SPOP: variants seen among roughly 807,000 people sequenced by gnomAD.
The protein encoded by SPOP is speckle-type POZ protein.
In SPOP, 11 loss-of-function variants were observed where a neutral mutation model predicts 45.6. The ratio of observed to expected loss-of-function variants is 0.24; its 90% CI spans 0.15 to 0.40. The LOEUF (loss-of-function observed/expected upper bound fraction) is 0.40, where lower values mean the gene tolerates loss of function less well. SPOP is among the 10% of genes least tolerant of loss of function. The pLI is 1.00. For synonymous variants in SPOP, 166 were observed against 166.3 expected, an observed-to-expected ratio of 1.00 and a Z score of 0.01; for missense variants, 152 against 465.6, an observed-to-expected ratio of 0.33 and a Z score of 6.20.
chr17:49,677,814 A>G (rs2073223247), intron 1 of SPOP, 119 bp downstream of exon 1: 1 of 328,256 alleles, frequency 3.0e-6, no homozygotes, highest in Non-Finnish European at 5.0e-6. Flanking sequence ...GACTGAGGAG[A>G]GTATATGTGT....
intron 1 of SPOP, among the ~76,000 whole-genome samples, chr17:49,624,815 C>T (rs1407098439): frequency 7.0e-6 from 1 of 143,336 alleles, no homozygotes; most frequent in Non-Finnish European, 1.5e-5. Context: ...AATTTTTAAG[C>T]ACCATAAACA....
chr17:49,605,434 A>C (rs2071819926), intron 8 of SPOP, among the ~76,000 whole-genome samples: 1 of 152,208 alleles, frequency 6.6e-6, no homozygotes, highest in African/African-American at 2.4e-5. Flanking sequence ...TCACACCCAT[A>C]ATTTCAGCAC....
intron 1 of SPOP, among the ~76,000 whole-genome samples, chr17:49,672,161 T>G (rs2073144515): frequency 6.6e-6 from 1 of 152,092 alleles, no homozygotes; most frequent in African/African-American, 2.4e-5. Flanking sequence ...TATAATTTAT[T>G]CCTAACCGAT....
intron 1 of SPOP, among the ~76,000 whole-genome samples, chr17:49,677,678 G>C (rs554632397): frequency 6.6e-6 from 1 of 152,158 alleles, no homozygotes; most frequent in Non-Finnish European, 1.5e-5. Flanking sequence ...GGATGGGGCT[G>C]GGAAATGATG....
At position 49,622,856 on chromosome 17, in the gene SPOP, G is replaced by T. The variant is rs375760414; in HGVS notation, c.-46C>A. ...GAGATTTCCAAAGTCAGGGGGCAAAGATTTCTGTTCCCTCTTCACCCTGGT... is the reference window on the plus strand; with the variant it reads ...GAGATTTCCAAAGTCAGGGGGCAAATATTTCTGTTCCCTCTTCACCCTGGT... On this transcript the variant is annotated 5_prime_UTR_variant, in exon 2 of 10. Coordinates refer to ENST00000504102, the MANE Select transcript of SPOP (RefSeq NM_001007228.2). The T allele has an allele frequency of 2.5e-5, 38 of 1,502,652 alleles. No individual in the cohort carries two copies. The African/African-American group carries it at 4.8e-4, about 19-fold the overall frequency. 93.1% of individuals were successfully genotyped at this position (1,502,652 alleles called of 1,614,324 possible).
intron 1 of SPOP, among the ~76,000 whole-genome samples, chr17:49,660,878 A>T (rs967030965): frequency 2.0e-5 from 3 of 152,208 alleles, no homozygotes; most frequent in South Asian, 2.1e-4. Context: ...AGGCAGGAGA[A>T]TGGTGTGAAC....
intron 1 of SPOP, among the ~76,000 whole-genome samples, chr17:49,677,584 G>C (rs1272157662): frequency 1.3e-5 from 2 of 151,984 alleles, no homozygotes; most frequent in African/African-American, 2.4e-5. Flanking sequence ...CCGGGGCAGC[G>C]AAGAAGCAGC....
intron 1 of SPOP, chr17:49,636,758 C>T (rs1237603579): frequency 6.6e-6 from 1 of 152,080 alleles, no homozygotes; most frequent in Non-Finnish European, 1.5e-5. Flanking sequence ...TAAAAACTCA[C>T]CAAGTTAAGT....
At chr17:49,610,179 T>C (rs777652654) in intron 6 of SPOP, among the ~76,000 whole-genome samples, 1 of 152,120 alleles carries the variant, frequency 6.6e-6, no homozygotes, top group Non-Finnish European at 1.5e-5. Context: ...CCTAGCTAAG[T>C]GTGGAGACAC....
At chr17:49,614,620 A>G (rs2143219252) in intron 5 of SPOP, among the ~76,000 whole-genome samples, 1 of 152,314 alleles carries the variant, frequency 6.6e-6, no homozygotes, top group South Asian at 2.1e-4. Flanking sequence ...CATGCTTTAT[A>G]ACCTACAATG....
At chr17:49,607,735 C>T (rs1233871112) in intron 7 of SPOP, 139 bp downstream of exon 7, 4 of 774,648 alleles carry the variant, frequency 5.2e-6, no homozygotes, top group Non-Finnish European at 8.5e-6. Context: ...CTTCTCTCTG[C>T]TCTCAGAAGG....
rs1176356287 is a variant in SPOP at position 49,619,687 on chromosome 17, C to T, written c.201-302G>A. Among the ~76,000 whole-genome samples, 10 of 152,062 alleles carry T rather than the reference C, an allele frequency of 6.6e-5. No homozygotes were observed. Among genetic ancestry groups the T allele is most frequent in the Admixed American group, 6.6e-4 (10 of 15,262 alleles). ...TAGCGGGGACTACAGATGTGCACCA[C>T]CATGGCCAGCTAATTTTTGTAGAGA... On this transcript the variant is annotated intron_variant, in intron 3 of 9. Transcript: ENST00000504102. This position sits in a 1 kb window ranked among gnomAD's most constrained non-coding sequence, Gnocchi z 4.9.
intron 1 of SPOP, among the ~76,000 whole-genome samples, chr17:49,649,997 T>C (rs2072819831): frequency 6.6e-6 from 1 of 151,260 alleles, no homozygotes; most frequent in African/African-American, 2.4e-5. Flanking sequence ...GTTCAAGCGA[T>C]TCTCCTGCCT....
chr17:49,654,087 G>GA (rs1238559685), intron 1 of SPOP, among the ~76,000 whole-genome samples: 1 of 152,146 alleles, frequency 6.6e-6, no homozygotes, highest in African/African-American at 2.4e-5. Flanking sequence ...CTTTCACCCA[G>GA]AAATGGTTAT....
chr17:49,637,950 T>C (rs952937073), intron 1 of SPOP, among the ~76,000 whole-genome samples: 1 of 152,192 alleles, frequency 6.6e-6, no homozygotes, highest in Non-Finnish European at 1.5e-5. Context: ...CTGATCATAG[T>C]GCACTATCTC....
chr17:49,616,323 T>C (rs190045117), intron 5 of SPOP, among the ~76,000 whole-genome samples: 30 of 152,252 alleles, frequency 2.0e-4, no homozygotes, highest in Non-Finnish European at 3.5e-4. Context: ...CTGTATTTAT[T>C]GTATCAGGAT....
At chr17:49,659,136 G>A (rs1363359578) in intron 1 of SPOP, among the ~76,000 whole-genome samples, 1 of 152,178 alleles carries the variant, frequency 6.6e-6, no homozygotes, top group Non-Finnish European at 1.5e-5. Flanking sequence ...GATCCTAACA[G>A]GTCAGAATAA....
chr17:49,630,564 T>C (rs1460540270), intron 1 of SPOP, among the ~76,000 whole-genome samples: 1 of 151,892 alleles, frequency 6.6e-6, no homozygotes, highest in East Asian at 1.9e-4. Context: ...GGGTTCATGC[T>C]TTGTAAAACT....
At chr17:49,660,601 A>C (rs1273951309) in intron 1 of SPOP, among the ~76,000 whole-genome samples, 1 of 152,112 alleles carries the variant, frequency 6.6e-6, no homozygotes, top group Non-Finnish European at 1.5e-5. Context: ...TACCCAATTA[A>C]TATTTAATGC....
Sources: gnomAD v4.1 joint callset for allele counts (sites outside exome capture counted in the v4.1 genomes callset) on GRCh38, gnomAD v4.1.1 for gene constraint, Gnocchi (gnomAD v3.1) non-coding constraint, MANE v1.5 for transcripts, NCBI Gene and HGNC (gene_info 2026-07-23, HGNC 2026-07-21) for gene names.